Variants in MTHFD1L observed in about 807,000 individuals in gnomAD.
MTHFD1L encodes methylenetetrahydrofolate dehydrogenase (NADP+ dependent) 1 like.
A neutral mutation model predicts 119.5 loss-of-function variants in MTHFD1L; 81 were observed. The ratio of observed to expected loss-of-function variants is 0.68; its 90% CI spans 0.57 to 0.82. The LOEUF (loss-of-function observed/expected upper bound fraction) is 0.82, where lower values mean the gene tolerates loss of function less well. MTHFD1L is among the 40% of genes least tolerant of loss of function. The probability of loss-of-function intolerance (pLI) is 0.00; values close to 1 mark genes in which losing one functional copy is unlikely to be tolerated. For missense variants in MTHFD1L, 1,125 were observed against 1,253.4 expected (o/e 0.90, Z 1.55); for synonymous variants, 430 against 475.2 (o/e 0.90, Z 1.24).
At chr6:151,010,035 C>T (rs1782002475) in intron 21 of MTHFD1L, 77 bp downstream of exon 21, 1 of 1,471,430 alleles carries the variant, frequency 6.8e-7, no homozygotes, top group Non-Finnish European at 9.0e-7. Flanking sequence ...TGAAAAATTC[C>T]TGCCCATTTA....
intron 26 of MTHFD1L, among the ~76,000 whole-genome samples, chr6:151,042,355 C>T (rs757569676): frequency 2.6e-5 from 4 of 152,192 alleles, no homozygotes; most frequent in Non-Finnish European, 5.9e-5. Context: ...CATAATACCA[C>T]TTAGTACATC....
At chr6:150,935,282 G>A (rs879070321) in intron 11 of MTHFD1L, 45 of 1,611,758 alleles carry the variant, frequency 2.8e-5, no homozygotes, top group Non-Finnish European at 3.5e-5. Context: ...TGTTGATGTC[G>A]AAAGGATGGA....
In MTHFD1L at chr6:151,014,949, GTTCCCGT is replaced by G. The variant is rs1562540411; in HGVS notation, c.2379_2385del (p.Pro794TrpfsTer4). 8 of 1,614,066 alleles carry G rather than the reference GTTCCCGT, an allele frequency of 5.0e-6. No homozygotes were observed. Among genetic ancestry groups the G allele is most frequent in the Non-Finnish European group, 5.9e-6 (7 of 1,180,002 alleles). On this transcript the variant is annotated frameshift_variant, in exon 23 of 28. Coordinates refer to ENST00000367321, the MANE Select transcript of MTHFD1L (RefSeq NM_015440.5). LOFTEE classifies it high-confidence loss of function. The stretch of plus-strand genomic sequence containing the variant: ...AATTCAGATCACTCAGCTCTTTGGG[GTTCCCGT>G]TGTGGTGGCTCTGAATGTCTTCAAG...
intron 11 of MTHFD1L, among the ~76,000 whole-genome samples, chr6:150,935,902 A>G (rs1791968389): frequency 6.6e-6 from 1 of 152,228 alleles, no homozygotes; most frequent in Admixed American, 6.5e-5. Flanking sequence ...AAAAATTTTT[A>G]ACAATGCTTG....
intron 4 of MTHFD1L, 133 bp downstream of exon 4, chr6:150,877,959 A>C (rs1780734587): frequency 9.8e-7 from 1 of 1,016,220 alleles, no homozygotes; most frequent in Admixed American, 2.2e-5. Flanking sequence ...GGAAGACTTC[A>C]CTTCTTTTCT....
At chr6:150,900,943 A>T (rs892863810) in intron 7 of MTHFD1L, among the ~76,000 whole-genome samples, 4 of 151,854 alleles carry the variant, frequency 2.6e-5, no homozygotes, top group African/African-American at 7.3e-5. Flanking sequence ...TGAACCCAGG[A>T]GGCGGAGCTT....
At position 151,013,825 on chromosome 6, in the gene MTHFD1L, GA is replaced by G; in HGVS notation, c.2307+6del. On this transcript the variant is annotated splice_donor_region_variant and intron_variant, in intron 22 of 27. Transcript: ENST00000367321. ...AAGAAAGAATATACAGAGGAGGTAA[GA>G]GGAGCTGTTTAGATGCTTATGTGAA... The G allele has an allele frequency of 6.2e-7, 1 of 1,611,368 alleles. No homozygotes were observed. Among genetic ancestry groups the G allele is most frequent in the Non-Finnish European group, 8.5e-7 (1 of 1,178,050 alleles).
chr6:151,100,190 C>T (rs1382058192), intron 27 of MTHFD1L, among the ~76,000 whole-genome samples: 4 of 152,030 alleles, frequency 2.6e-5, no homozygotes, highest in African/African-American at 7.2e-5. Context: ...CCTGCCACCA[C>T]GCCCAGCTAA....
intron 2 of MTHFD1L, 37 bp downstream of exon 2, chr6:150,876,211 G>T: frequency 6.9e-7 from 1 of 1,443,858 alleles, no homozygotes; most frequent in Non-Finnish European, 9.3e-7. Flanking sequence ...ACTATTTTAG[G>T]ATGCCTTTCA....
chr6:151,081,498 CAAAAAAAA>C (rs56795003), intron 26 of MTHFD1L, among the ~76,000 whole-genome samples: 36,494 of 97,650 alleles, frequency 0.37, 5,213 homozygotes, highest in East Asian at 0.59. Flanking sequence ...ACTAAAAATG[CAAAAAAAA>C]AAAAAAAAAA....
chr6:151,025,785 G>A (rs1432115216), intron 24 of MTHFD1L, among the ~76,000 whole-genome samples: 10 of 152,182 alleles, frequency 6.6e-5, no homozygotes, highest in Non-Finnish European at 1.5e-4. Context: ...CTGAAGAAAT[G>A]GCAGTGTGTT....
chr6:150,938,009 T>C (rs1792411484), intron 12 of MTHFD1L, among the ~76,000 whole-genome samples: 1 of 152,026 alleles, frequency 6.6e-6, no homozygotes, highest in South Asian at 2.1e-4. Flanking sequence ...GCGGTGGTTT[T>C]TTTGTTTTTG....
At chr6:151,021,015 G>A (rs192843189) in intron 24 of MTHFD1L, among the ~76,000 whole-genome samples, 1 of 152,174 alleles carries the variant, frequency 6.6e-6, no homozygotes, top group African/African-American at 2.4e-5. Flanking sequence ...AGAAATGGAC[G>A]CTTGATAGGA....
At position 151,014,860 on chromosome 6, in the gene MTHFD1L, T is replaced by A. The variant is rs755395030; in HGVS notation, c.2308-20T>A. The A allele has an allele frequency of 6.2e-7, 1 of 1,610,582 alleles. No individual in the cohort carries two copies. The highest frequency in any genetic ancestry group is 1.1e-5 in the South Asian group (1 of 90,714). On this transcript the variant is annotated intron_variant, in intron 22 of 27. Transcript: ENST00000367321. Reference sequence around the variant, plus strand: ...AGACAATACACAGGGGTCTGGGTTTTGCTTTTTTCTTTTTTACAGAACATC... The same window carrying A: ...AGACAATACACAGGGGTCTGGGTTTAGCTTTTTTCTTTTTTACAGAACATC...
intron 1 of MTHFD1L, chr6:150,866,267 C>A: frequency 6.9e-7 from 1 of 1,450,152 alleles, no homozygotes; most frequent in Non-Finnish European, 9.0e-7. Context: ...CGACCGGGCC[C>A]GCAGCGCAGG....
At chr6:150,949,447 A>C (rs994671750) in intron 16 of MTHFD1L, among the ~76,000 whole-genome samples, 3 of 151,802 alleles carry the variant, frequency 2.0e-5, no homozygotes, top group Non-Finnish European at 4.4e-5. Flanking sequence ...TAAGAAAAAA[A>C]AAAAGAAACT....
intron 4 of MTHFD1L, among the ~76,000 whole-genome samples, chr6:150,882,496 G>A (rs1489819461): frequency 6.6e-6 from 1 of 151,952 alleles, no homozygotes; most frequent in African/African-American, 2.4e-5. Context: ...TCTTTTTCTG[G>A]CACAGAGTAG....
intron 11 of MTHFD1L, chr6:150,934,993 C>T: frequency 6.3e-7 from 1 of 1,597,012 alleles, no homozygotes; most frequent in Non-Finnish European, 8.5e-7. Context: ...TCAGACCAGA[C>T]TTCTATCCTG....
At chr6:151,041,094 C>G (rs1435229266) in intron 26 of MTHFD1L, among the ~76,000 whole-genome samples, 1 of 152,202 alleles carries the variant, frequency 6.6e-6, no homozygotes, top group African/African-American at 2.4e-5. Context: ...ATGAAATCTC[C>G]TGGAACAGTC....
Sources: allele counts gnomAD v4.1 joint callset (sites outside exome capture counted in the v4.1 genomes callset), GRCh38; gene constraint gnomAD v4.1.1; transcripts MANE v1.5; gene names NCBI Gene and HGNC (gene_info 2026-07-23, HGNC 2026-07-21).